ARMC9: variants seen among roughly 807,000 people sequenced by gnomAD.
ARMC9 encodes lisH domain-containing protein ARMC9.
In ARMC9, 94 loss-of-function variants were observed where a neutral mutation model predicts 107.0. The ratio of observed to expected loss-of-function variants is 0.88; its 90% CI spans 0.74 to 1.04. The LOEUF (loss-of-function observed/expected upper bound fraction) is 1.04, where lower values mean the gene tolerates loss of function less well. Ranked by LOEUF, ARMC9 falls within the 50% of genes least tolerant of loss-of-function variation. ARMC9 has a pLI of 0.00. For synonymous variants in ARMC9, 380 were observed against 396.9 expected (o/e 0.96, Z 0.51); for missense variants, 942 against 1,030.1 (o/e 0.91, Z 1.17).
chr2:231,239,822 A>G (rs993091248), intron 8 of ARMC9, 121 bp from the exon 9 acceptor site: 1 of 782,230 alleles, frequency 1.3e-6, no homozygotes, highest in Non-Finnish European at 2.2e-6. Context: ...TGGCTTACAT[A>G]CCTCATCATC....
rs532894372 is a variant in ARMC9, at chr2:231,232,118, C to G, written c.623-3106C>G. ...TCGGCTCACTACAACCTCCACCTCC[C>G]TGGTTCAAGCGATTCTGCTGCCTCA... is the stretch of plus-strand genomic sequence containing the variant. On this transcript the variant is annotated intron_variant, in intron 7 of 24. Transcript: ENST00000611582. 2.6e-5 allele frequency among the ~76,000 whole-genome samples: 4 copies of G among 151,220 alleles called. No individual in the cohort carries two copies. In the East Asian group the frequency reaches 7.8e-4, roughly 29 times the overall value.
rs75523836 is a variant in ARMC9, at chr2:231,253,981, G to C, written c.880-2605G>C. Among the ~76,000 whole-genome samples the C allele has an allele frequency of 5.3e-3, 802 of 152,208 alleles. 6 individuals are homozygous for C. Among genetic ancestry groups the C allele is most frequent in the African/African-American group, 0.018 (748 of 41,526 alleles). ...AAAAGGAGGTGAAGAAAAAGATAGGGAGGAAGCAAGACTTACTGATGGAAG... is the reference window on the plus strand; with the variant it reads ...AAAAGGAGGTGAAGAAAAAGATAGGCAGGAAGCAAGACTTACTGATGGAAG... On this transcript the variant is annotated intron_variant, in intron 9 of 24. Coordinates refer to ENST00000611582, the MANE Select transcript of ARMC9 (RefSeq NM_001352754.2).
chr2:231,318,850 T>G (rs1036386245), intron 19 of ARMC9, among the ~76,000 whole-genome samples: 1 of 152,172 alleles, frequency 6.6e-6, no homozygotes, highest in African/African-American at 2.4e-5. Flanking sequence ...AGTCGTTAGA[T>G]CCTAGGGATA....
chr2:231,301,282 T>C (rs1210130624), intron 19 of ARMC9, among the ~76,000 whole-genome samples: 1 of 152,238 alleles, frequency 6.6e-6, no homozygotes, highest in Non-Finnish European at 1.5e-5. Context: ...TTTTTTGCTA[T>C]TTCAAACAAT....
chr2:231,310,515 G>C (rs1413771960), intron 19 of ARMC9, among the ~76,000 whole-genome samples: 1 of 150,998 alleles, frequency 6.6e-6, no homozygotes, highest in African/African-American at 2.4e-5. Context: ...CGGATCACCT[G>C]AGGTCGGGAG....
chr2:231,226,730 C>A (rs376854310), intron 6 of ARMC9, 44 bp from the exon 7 acceptor site: 3 of 1,604,208 alleles, frequency 1.9e-6, no homozygotes, highest in Non-Finnish European at 2.6e-6. Flanking sequence ...CCCCAAGTAC[C>A]GTTCCCTGAA....
chr2:231,207,319 T>A (rs2032159557), intron 2 of ARMC9, among the ~76,000 whole-genome samples: 3 of 152,036 alleles, frequency 2.0e-5, no homozygotes, highest in Non-Finnish European at 4.4e-5. Flanking sequence ...ATATAACACA[T>A]TTTCTTTTAA....
intron 19 of ARMC9, among the ~76,000 whole-genome samples, chr2:231,329,056 C>T (rs752922809): frequency 6.6e-6 from 1 of 151,766 alleles, no homozygotes; most frequent in Non-Finnish European, 1.5e-5. Flanking sequence ...CTCCTGACCT[C>T]ATGGTCCACC....
intron 9 of ARMC9, among the ~76,000 whole-genome samples, chr2:231,252,430 A>C (rs1489124587): frequency 1.3e-5 from 2 of 151,972 alleles, no homozygotes; most frequent in Non-Finnish European, 2.9e-5. Flanking sequence ...TTGTACTTTT[A>C]GTGGAGACGG....
In ARMC9 at chr2:231,351,106, TACC is replaced by T. The variant is rs372447752; in HGVS notation, c.1995-4686_1995-4684del. Among the ~76,000 whole-genome samples the T allele has an allele frequency of 3.6e-3, 523 of 145,596 alleles. 8 individuals carry two copies. Among genetic ancestry groups the T allele is most frequent in the African/African-American group, 0.013 (505 of 38,932 alleles). ...CCGAGTAGTTGGGACTACAGGCGCC[TACC>T]ACCACGCCCGGCTATTTTTTTGTAT... On this transcript the variant is annotated intron_variant, in intron 21 of 24. Transcript: ENST00000611582.
At chr2:231,335,372 T>C (rs2044015209) in intron 20 of ARMC9, among the ~76,000 whole-genome samples, 1 of 151,870 alleles carries the variant, frequency 6.6e-6, no homozygotes. Context: ...GGAGTAAGGG[T>C]GGAGGTGCGA....
In ARMC9 at chr2:231,296,186, T is replaced by G. The variant is rs758122147; in HGVS notation, c.1718-12T>G. 6.2e-7 allele frequency: 1 copy of G among 1,606,592 alleles called. No homozygotes were observed. Among genetic ancestry groups the G allele is most frequent in the South Asian group, 1.1e-5 (1 of 90,146 alleles). ...TTTATCCATTATTCATTGATTCTTTTTTTCTTTATAGAAGAGCTACCAGAT... is the reference window on the plus strand; with the variant it reads ...TTTATCCATTATTCATTGATTCTTTGTTTCTTTATAGAAGAGCTACCAGAT... On this transcript the variant is annotated splice_polypyrimidine_tract_variant and intron_variant, in intron 18 of 24. Transcript: ENST00000611582.
chr2:231,259,828 A>G (rs1044605288), intron 11 of ARMC9, among the ~76,000 whole-genome samples: 1 of 152,122 alleles, frequency 6.6e-6, no homozygotes, highest in Non-Finnish European at 1.5e-5. Flanking sequence ...CCCCATCTCT[A>G]CTAAAAATAC....
intron 10 of ARMC9, 69 bp from the exon 11 acceptor site, chr2:231,258,922 T>C: frequency 7.3e-7 from 1 of 1,364,298 alleles, no homozygotes; most frequent in Non-Finnish European, 1.0e-6. Flanking sequence ...GGTGTCATAA[T>C]GCTCAGGAGG....
At chr2:231,233,160 T>C (rs2035399382) in intron 7 of ARMC9, among the ~76,000 whole-genome samples, 1 of 152,212 alleles carries the variant, frequency 6.6e-6, no homozygotes, top group South Asian at 2.1e-4. Context: ...TGAAGATATT[T>C]TGGGTTTTAA....
Position 231,235,520 on chromosome 2 carries a change from C to G in ARMC9, c.780+139C>G, listed in dbSNP as rs889002350. ...GCGCCTGCTGCTCTATTTCCAAAAG[C>G]CAACATGCATGAAGGAGATAAAGCT... On this transcript the variant is annotated intron_variant, in intron 8 of 24. Transcript: ENST00000611582. The G allele has an allele frequency of 5.1e-6, 5 of 971,582 alleles. No homozygotes were observed. The African/African-American group carries it at 6.6e-5, about 13-fold the overall frequency. The allele number at this position is 971,582 out of a possible 1,614,324, so 60.2% of individuals were successfully genotyped here.
intron 20 of ARMC9, among the ~76,000 whole-genome samples, chr2:231,337,290 A>ATATTTTT (rs1343774735): frequency 2.6e-5 from 1 of 38,018 alleles, no homozygotes. Context: ...ATATATATAT[A>ATATTTTT]TTTTTTTTTT....
In ARMC9 at chr2:231,362,005, G is replaced by GTTCC. The variant is rs2045607472; in HGVS notation, c.2261+1122_2261+1123insTTCC. ...ATCGGAACTGTGGGAAGGATGGGAAGGACTTCAAGACCTGGGCTAGGGAAG... is the reference window on the plus strand; with the variant it reads ...ATCGGAACTGTGGGAAGGATGGGAAGTTCCGACTTCAAGACCTGGGCTAGGGAAG... On this transcript the variant is annotated intron_variant, in intron 23 of 24. Coordinates refer to ENST00000611582, the MANE Select transcript of ARMC9 (RefSeq NM_001352754.2). The surrounding 1 kb of genome is among the most constrained non-coding windows in gnomAD (Gnocchi z 4.7). Among the ~76,000 whole-genome samples, 1 of 152,142 alleles carries GTTCC rather than the reference G, an allele frequency of 6.6e-6. No homozygotes were observed. The highest frequency in any genetic ancestry group is 2.4e-5 in the African/African-American group (1 of 41,426).
intron 21 of ARMC9, among the ~76,000 whole-genome samples, chr2:231,352,048 G>A (rs1041399735): frequency 6.6e-6 from 1 of 152,026 alleles, no homozygotes; most frequent in African/African-American, 2.4e-5. Context: ...GCTCACTGCA[G>A]CTTGACCTCC....
Sources: gnomAD v4.1 joint callset for allele counts (sites outside exome capture counted in the v4.1 genomes callset) on GRCh38, gnomAD v4.1.1 for gene constraint, Gnocchi (gnomAD v3.1) non-coding constraint, MANE v1.5 for transcripts, NCBI Gene and HGNC (gene_info 2026-07-23, HGNC 2026-07-21) for gene names.